Variants in WDR70 observed in about 807,000 individuals in gnomAD.
The protein encoded by WDR70 is WD repeat-containing protein 70.
WDR70 carries 53 observed loss-of-function variants against 88.6 expected under a neutral mutation model. That is an observed-to-expected ratio of 0.60 (90% confidence interval 0.48 to 0.75). The LOEUF (loss-of-function observed/expected upper bound fraction) is 0.75. WDR70 is among the 30% of genes least tolerant of loss of function. WDR70 has a pLI of 0.00. For missense variants in WDR70, 610 were observed against 823.2 expected (o/e 0.74, Z 3.17); for synonymous variants, 280 against 270.0 (o/e 1.04, Z -0.36).
chr5:37,392,034 G>A lies in WDR70; in HGVS notation c.210G>A (p.Glu70=). 1 of 1,611,062 alleles carries A rather than the reference G, an allele frequency of 6.2e-7. No homozygotes were observed. The highest frequency in any genetic ancestry group is 8.5e-7 in the Non-Finnish European group (1 of 1,179,172). ...AREKEEEMNR[E]KELRRQNEDI... is the part of the protein sequence containing the mutation. ...AAAAAGAGGAAGAAATGAACAGAGA[G>A]AAAGAATTAAGAAGACAAAATGAAG... The change falls in exon 4 of 18, where the codon GAG becomes GAA. Residue 70 remains glutamate (E), a synonymous_variant. Transcript: ENST00000265107.
At chr5:37,620,513 T>G (rs1284837719) in intron 10 of WDR70, among the ~76,000 whole-genome samples, 1 of 152,204 alleles carries the variant, frequency 6.6e-6, no homozygotes, top group Non-Finnish European at 1.5e-5. Context: ...AAATTACATT[T>G]TATATTGTGA....
At chr5:37,431,689 A>G (rs982292997) in intron 5 of WDR70, among the ~76,000 whole-genome samples, 12 of 152,210 alleles carry the variant, frequency 7.9e-5, no homozygotes, top group African/African-American at 2.9e-4. Flanking sequence ...CTGAAACTCT[A>G]TATCCATTAA....
chr5:37,490,790 A>G (rs1740043277), intron 8 of WDR70, among the ~76,000 whole-genome samples: 1 of 151,850 alleles, frequency 6.6e-6, no homozygotes. Flanking sequence ...AGGGCTCTGG[A>G]TTGTCCTTTC....
chr5:37,732,660 G>A (rs1748181367), intron 17 of WDR70, among the ~76,000 whole-genome samples: 1 of 152,008 alleles, frequency 6.6e-6, no homozygotes, highest in South Asian at 2.1e-4. Flanking sequence ...CCTGTTTCTT[G>A]TGAACTATTT....
At chr5:37,423,638 A>T (rs1354195383) in intron 5 of WDR70, among the ~76,000 whole-genome samples, 1 of 137,352 alleles carries the variant, frequency 7.3e-6, no homozygotes, top group Non-Finnish European at 1.5e-5. Flanking sequence ...ATCTTGGCTC[A>T]TTGCAACTTC....
At chr5:37,671,261 CTTA>C (rs1477665574) in intron 10 of WDR70, among the ~76,000 whole-genome samples, 3 of 152,122 alleles carry the variant, frequency 2.0e-5, no homozygotes, top group Non-Finnish European at 4.4e-5. Context: ...TTTGGCTCAT[CTTA>C]TTATTGGAAT....
intron 9 of WDR70, among the ~76,000 whole-genome samples, chr5:37,574,269 C>T (rs1742993612): frequency 1.3e-5 from 2 of 152,284 alleles, no homozygotes; most frequent in South Asian, 2.1e-4. Flanking sequence ...TTGTCCTTAA[C>T]ACAAAAGCAA....
intron 10 of WDR70, among the ~76,000 whole-genome samples, chr5:37,691,221 T>A (rs1746785309): frequency 6.6e-6 from 1 of 152,134 alleles, no homozygotes; most frequent in African/African-American, 2.4e-5. Context: ...ATAAAGCAAG[T>A]CCTTAGAGAC....
chr5:37,388,426 CT>C (rs34629371), intron 3 of WDR70, among the ~76,000 whole-genome samples: 8 of 138,746 alleles, frequency 5.8e-5, no homozygotes, highest in African/African-American at 2.1e-4. Context: ...GAAATACAGA[CT>C]TTTTTTTTTT....
intron 7 of WDR70, 112 bp from the exon 8 acceptor site, chr5:37,479,722 A>T: frequency 1.6e-6 from 2 of 1,266,184 alleles, no homozygotes; most frequent in South Asian, 3.0e-5. Flanking sequence ...ATTTTGTGGA[A>T]TTATCAATTT....
chr5:37,601,338 A>T (rs545344157), intron 9 of WDR70, among the ~76,000 whole-genome samples: 7 of 152,334 alleles, frequency 4.6e-5, no homozygotes, highest in Admixed American at 4.6e-4. Flanking sequence ...TGGTTTACAT[A>T]TATTGAACCA....
intron 8 of WDR70, chr5:37,506,960 A>G: frequency 1.4e-6 from 1 of 693,426 alleles, no homozygotes; most frequent in Non-Finnish European, 2.7e-6. Flanking sequence ...ACCCACTTGG[A>G]TTCACCTCCC....
At chr5:37,581,485 A>G (rs983778699) in intron 9 of WDR70, among the ~76,000 whole-genome samples, 1 of 152,114 alleles carries the variant, frequency 6.6e-6, no homozygotes, top group African/African-American at 2.4e-5. Flanking sequence ...CTCACCCTCA[A>G]TCATTTTTCT....
chr5:37,511,181 A>G (rs1441540770), intron 8 of WDR70, among the ~76,000 whole-genome samples: 8 of 152,166 alleles, frequency 5.3e-5, no homozygotes, highest in Non-Finnish European at 7.3e-5. Flanking sequence ...TACTGTGATG[A>G]TTGCAAAATG....
chr5:37,600,643 A>G (rs1395856756), intron 9 of WDR70, among the ~76,000 whole-genome samples: 1 of 152,232 alleles, frequency 6.6e-6, no homozygotes, highest in Non-Finnish European at 1.5e-5. Context: ...ATGCCCAATA[A>G]GCACACGAAA....
intron 17 of WDR70, among the ~76,000 whole-genome samples, chr5:37,732,774 C>G (rs1014405666): frequency 6.6e-6 from 1 of 151,996 alleles, no homozygotes. Context: ...GCAAATATTT[C>G]TCCCAGTTAA....
At chr5:37,654,666 C>T (rs1745501006) in intron 10 of WDR70, among the ~76,000 whole-genome samples, 1 of 152,210 alleles carries the variant, frequency 6.6e-6, no homozygotes, top group Admixed American at 6.5e-5. Flanking sequence ...GTTAGCTCTT[C>T]TTGTTGCATT....
intron 2 of WDR70, among the ~76,000 whole-genome samples, chr5:37,380,233 T>G (rs149167052): frequency 4.4e-4 from 67 of 152,370 alleles, no homozygotes; most frequent in African/African-American, 1.6e-3. Context: ...TCTTCTTGTT[T>G]TCTTTTGACC....
At chr5:37,399,497 T>C (rs1438071499) in intron 5 of WDR70, among the ~76,000 whole-genome samples, 2 of 152,222 alleles carry the variant, frequency 1.3e-5, no homozygotes, top group Non-Finnish European at 2.9e-5. Flanking sequence ...TAAATTTTTT[T>C]CTCTAAAAAT....
Sources: allele counts gnomAD v4.1 joint callset (sites outside exome capture counted in the v4.1 genomes callset), GRCh38; gene constraint gnomAD v4.1.1; transcripts MANE v1.5; gene names NCBI Gene and HGNC (gene_info 2026-07-23, HGNC 2026-07-21).